SMYD4: variants seen among roughly 807,000 people sequenced by gnomAD.
The protein encoded by SMYD4 is SET and MYND domain containing 4, also known as protein-lysine N-methyltransferase SMYD4.
Under a neutral mutation model 72.8 loss-of-function variants are expected in SMYD4, and 68 were observed. The ratio of observed to expected loss-of-function variants is 0.93; its 90% CI spans 0.77 to 1.14. The LOEUF (loss-of-function observed/expected upper bound fraction) is 1.14. Among genes scored for constraint, SMYD4 ranks in the 50% most tolerant of loss-of-function variants. SMYD4 has a pLI of 0.00. For synonymous variants in SMYD4, 407 were observed against 388.6 expected (o/e 1.05, Z -0.56); for missense variants, 984 against 1,003.7 (o/e 0.98, Z 0.27).
chr17:1,792,194 A>C (rs979647755), intron 5 of SMYD4, among the ~76,000 whole-genome samples: 6 of 151,886 alleles, frequency 4.0e-5, no homozygotes, highest in African/African-American at 2.4e-5. Flanking sequence ...AGGCGCCCGC[A>C]ACCACGCCCG....
chr17:1,812,166 G>A (rs1376155458), intron 2 of SMYD4, 51 bp from the exon 3 acceptor site: 1 of 1,594,716 alleles, frequency 6.3e-7, no homozygotes, highest in East Asian at 2.2e-5. Context: ...TTATTTCAAG[G>A]AAAGCTCTAA....
intron 2 of SMYD4, among the ~76,000 whole-genome samples, chr17:1,813,707 G>A (rs1233190256): frequency 6.6e-6 from 1 of 152,010 alleles, no homozygotes; most frequent in African/African-American, 2.4e-5. Context: ...GAGCCACTGT[G>A]CCTGGCCTCT....
At position 1,781,366 on chromosome 17, in the gene SMYD4, C is replaced by CCCATGGGCCACA. The variant is rs751723791; in HGVS notation, c.2323_2334dup (p.Cys775_Trp778dup). 14 of 1,613,990 alleles carry CCCATGGGCCACA rather than the reference C, an allele frequency of 8.7e-6. No homozygotes were observed. The highest frequency in any genetic ancestry group is 1.2e-5 in the Non-Finnish European group (14 of 1,180,044). On this transcript the variant is annotated inframe_insertion, in exon 11 of 11. Coordinates refer to ENST00000305513, the MANE Select transcript of SMYD4 (RefSeq NM_052928.3). ...TTCTGGAGCTCCTGGATTTCATCGTCCCATGGGCCACAGTGCAGCGACAGA... is the reference window on the plus strand; with the variant it reads ...TTCTGGAGCTCCTGGATTTCATCGTCCCATGGGCCACACCATGGGCCACAGTGCAGCGACAGA...
Position 1,818,362 on chromosome 17 carries a change from T to C in SMYD4, c.135-6247A>G, listed in dbSNP as rs191271215. 2.6e-4 allele frequency among the ~76,000 whole-genome samples: 39 copies of C among 152,270 alleles called. No individual in the cohort carries two copies. The South Asian group carries it at 8.1e-3, about 32-fold the overall frequency. On this transcript the variant is annotated intron_variant, in intron 2 of 10. Coordinates refer to ENST00000305513, the MANE Select transcript of SMYD4 (RefSeq NM_052928.3). ...TACCTGGGACATATCCACATATGCA[T>C]CATTTTTTCTCTAAGCCATTTGAAA...
chr17:1,809,725 A>T (rs1597388516), intron 3 of SMYD4, among the ~76,000 whole-genome samples: 1 of 147,336 alleles, frequency 6.8e-6, no homozygotes, highest in Non-Finnish European at 1.5e-5. Flanking sequence ...GCTGGAGTGC[A>T]GTGGCGCGAT....
chr17:1,782,337 A>G (rs1279994482), intron 10 of SMYD4: 1 of 152,002 alleles, frequency 6.6e-6, no homozygotes, highest in Non-Finnish European at 1.5e-5. Flanking sequence ...TCTTTCGAAT[A>G]GATGCCAGCA....
At chr17:1,829,405 T>C (rs1372797555) in intron 1 of SMYD4, 1 of 152,464 alleles carries the variant, frequency 6.6e-6, no homozygotes, top group East Asian at 1.9e-4. Flanking sequence ...TCGGCTCAAA[T>C]GGCACCTCCT....
chr17:1,794,091 A>G lies in SMYD4; in HGVS notation c.1537+5766T>C, dbSNP rs1277009475. 8.6e-3 allele frequency among the ~76,000 whole-genome samples: 174 copies of G among 20,278 alleles called. 5 individuals carry two copies. Among genetic ancestry groups the G allele is most frequent in the Non-Finnish European group, 0.013 (117 of 9,174 alleles). 13.3% of individuals were successfully genotyped at this position (20,278 alleles called of 152,430 possible). A position where few individuals can be genotyped will look rare whatever the true frequency, so the allele number is the denominator to read the frequency against. ...TGTGTATATATATGTGTATATATAT[A>G]TATATATATATATATTTTTTTTTTT... On this transcript the variant is annotated intron_variant, in intron 5 of 10. Transcript: ENST00000305513.
intron 3 of SMYD4, among the ~76,000 whole-genome samples, chr17:1,808,056 C>G (rs781011575): frequency 2.7e-4 from 41 of 152,140 alleles, no homozygotes; most frequent in Non-Finnish European, 5.1e-4. Context: ...TTAACTAGTT[C>G]TTTCCTGGAG....
At chr17:1,796,125 A>G (rs1239635879) in intron 5 of SMYD4, among the ~76,000 whole-genome samples, 44 of 151,950 alleles carry the variant, frequency 2.9e-4, no homozygotes. Context: ...CCACAGAATA[A>G]GCATGTATTT....
At chr17:1,826,125 T>G (rs990347778) in intron 2 of SMYD4, among the ~76,000 whole-genome samples, 1 of 151,764 alleles carries the variant, frequency 6.6e-6, no homozygotes, top group South Asian at 2.1e-4. Context: ...CTCCTACAAA[T>G]GAACAAGAGA....
At position 1,804,556 on chromosome 17, in the gene SMYD4, T is replaced by C. The variant is rs1909938194; in HGVS notation, c.369+70A>G. 3 of 1,314,802 alleles carry C rather than the reference T, an allele frequency of 2.3e-6. No homozygotes were observed. The East Asian group carries it at 7.0e-5, about 31-fold the overall frequency. The allele number at this position is 1,314,802 out of a possible 1,614,324, so 81.4% of individuals were successfully genotyped here. On this transcript the variant is annotated intron_variant, in intron 4 of 10. Coordinates refer to ENST00000305513, the MANE Select transcript of SMYD4 (RefSeq NM_052928.3). Reference sequence around the variant, plus strand: ...TAGTGTTCTATGGAAGAAGCAGAGATGAAGGTCTAGTCCTCCAGTAAGAAG... The same window carrying C: ...TAGTGTTCTATGGAAGAAGCAGAGACGAAGGTCTAGTCCTCCAGTAAGAAG...
intron 5 of SMYD4, among the ~76,000 whole-genome samples, chr17:1,796,950 G>A (rs879690621): frequency 1.3e-5 from 2 of 152,202 alleles, no homozygotes; most frequent in Non-Finnish European, 2.9e-5. Flanking sequence ...AAGCAAAGGA[G>A]GGCAGAGGAA....
Position 1,800,704 on chromosome 17 carries a change from A to T in SMYD4, c.690T>A (p.Asn230Lys), listed in dbSNP as rs767956445. Residue 230 changes from asparagine to lysine, a missense_variant, in exon 5 of 11, where the codon AAT (asparagine) becomes AAA (lysine). Coordinates refer to ENST00000305513, the MANE Select transcript of SMYD4 (RefSeq NM_052928.3). ...CGCATAAGCCGATGGATGATGAGGC[A>T]TTGGAAAGTTGTTCATTCTCCTCCC... ...ALREENEQLS[N>K]ASSSIGLCVD... 2.5e-6 allele frequency: 4 copies of T among 1,614,230 alleles called. No homozygotes were observed. In the South Asian group the frequency reaches 4.4e-5, roughly 18 times the overall value.
At chr17:1,810,729 T>G (rs2151244321) in intron 3 of SMYD4, among the ~76,000 whole-genome samples, 1 of 152,332 alleles carries the variant, frequency 6.6e-6, no homozygotes, top group South Asian at 2.1e-4. Flanking sequence ...AGCCTGGGCC[T>G]ATAAAAACCC....
chr17:1,797,802 G>C (rs1273967517), intron 5 of SMYD4, among the ~76,000 whole-genome samples: 1 of 152,142 alleles, frequency 6.6e-6, no homozygotes, highest in Non-Finnish European at 1.5e-5. Flanking sequence ...AGGAGTTCGA[G>C]ACCAGCCTGG....
At chr17:1,794,101 ATATAT>A (rs1338407839) in intron 5 of SMYD4, among the ~76,000 whole-genome samples, 5 of 16,780 alleles carry the variant, frequency 3.0e-4, no homozygotes, top group African/African-American at 9.6e-4. Context: ...ATATATATAT[ATATAT>A]TTTTTTTTTT....
intron 4 of SMYD4, among the ~76,000 whole-genome samples, chr17:1,802,260 G>A (rs1025097414): frequency 1.4e-4 from 21 of 152,130 alleles, no homozygotes; most frequent in Middle Eastern, 3.2e-3. Flanking sequence ...GGAGACCGAG[G>A]TGGGCGGATC....
chr17:1,802,662 C>T (rs73297040), intron 4 of SMYD4, among the ~76,000 whole-genome samples: 2,758 of 152,264 alleles, frequency 0.018, 102 homozygotes, highest in African/African-American at 0.064. Context: ...GTCTGAAGGG[C>T]AGTAAGTGTG....
Sources: gnomAD v4.1 joint callset for allele counts (sites outside exome capture counted in the v4.1 genomes callset) on GRCh38, gnomAD v4.1.1 for gene constraint, MANE v1.5 for transcripts, NCBI Gene and HGNC (gene_info 2026-07-23, HGNC 2026-07-21) for gene names.